The following SPECC1 variants were observed in gnomAD, a reference collection of about 807,000 sequenced individuals.
The protein encoded by SPECC1 is cytospin-B.
SPECC1 carries 62 observed loss-of-function variants against 104.1 expected under a neutral mutation model. The ratio of observed to expected loss-of-function variants is 0.60; its 90% CI spans 0.49 to 0.74. The LOEUF (loss-of-function observed/expected upper bound fraction) is 0.74, where lower values mean the gene tolerates loss of function less well. SPECC1 is among the 30% of genes least tolerant of loss of function. The pLI, the probability that SPECC1 is intolerant of heterozygous loss-of-function variation, is 0.00. For missense variants in SPECC1, 1,306 were observed against 1,310.5 expected (o/e 1.00, Z 0.05); for synonymous variants, 513 against 501.6 (o/e 1.02, Z -0.30).
Position 20,314,004 on chromosome 17 carries a change from G to A in SPECC1, c.3146G>A (p.Arg1049Gln), listed in dbSNP as rs778154096. ...LELSEMLYTD[R>Q]PDWQSVMQYV... ...CTCAGCGAGATGCTGTACACAGACC[G>A]GCCCGACTGGCAGAGTGTGATGCAG... The change falls in exon 15 of 15, where the codon CGG becomes CAG. Residue 1049 changes from arginine (R) to glutamine (Q), a missense_variant. Coordinates refer to ENST00000395527, the MANE Select transcript of SPECC1 (RefSeq NM_001243439.2). The A allele has an allele frequency of 9.3e-6, 15 of 1,614,046 alleles. No individual in the cohort carries two copies. The highest frequency in any genetic ancestry group is 1.3e-5 in the Non-Finnish European group (15 of 1,180,030).
intron 3 of SPECC1, among the ~76,000 whole-genome samples, chr17:20,184,652 A>G (rs938861157): frequency 2.6e-5 from 4 of 152,210 alleles, no homozygotes. Flanking sequence ...AACAGGACCT[A>G]CTGTATATAG....
intron 1 of SPECC1, among the ~76,000 whole-genome samples, chr17:20,062,921 C>T (rs2046239580): frequency 6.6e-6 from 1 of 152,070 alleles, no homozygotes; most frequent in African/African-American, 2.4e-5. Context: ...CTCCTGACCT[C>T]AAGTGATCTG....
At position 20,317,717 on chromosome 17, in the gene SPECC1, C is replaced by T. The variant is rs2042057597; in HGVS notation, c.*3652C>T. The T allele has an allele frequency of 4.7e-6, 1 of 214,428 alleles. No individual in the cohort carries two copies. The highest frequency in any genetic ancestry group is 9.4e-6 in the Non-Finnish European group (1 of 106,292). The allele number at this position is 214,428 out of a possible 1,614,324, so 13.3% of individuals were successfully genotyped here. A position where few individuals can be genotyped will look rare whatever the true frequency, so the allele number is the denominator to read the frequency against. The stretch of plus-strand genomic sequence containing the variant: ...CTCTGGCCTGGGCCAAAGAGCAAGA[C>T]CCTGTCACACACACACACAAAAAAA... On this transcript the variant is annotated 3_prime_UTR_variant, in exon 15 of 15. Transcript: ENST00000395527.
At chr17:20,285,419 T>G (rs2040910506) in intron 12 of SPECC1, among the ~76,000 whole-genome samples, 1 of 152,184 alleles carries the variant, frequency 6.6e-6, no homozygotes, top group Admixed American at 6.5e-5. Context: ...TCTTACTTTT[T>G]TTTTTTCCTA....
chr17:20,134,117 T>C (rs2049801778), intron 3 of SPECC1, among the ~76,000 whole-genome samples: 1 of 149,958 alleles, frequency 6.7e-6, no homozygotes, highest in African/African-American at 2.4e-5. Context: ...GTAATATAAA[T>C]ATAACAAAAT....
At chr17:20,112,416 C>T in intron 3 of SPECC1, 1 of 763,528 alleles carries the variant, frequency 1.3e-6, no homozygotes, top group Non-Finnish European at 2.4e-6. Flanking sequence ...GATCATTCAC[C>T]AATATCCTGA....
chr17:20,037,766 C>T (rs6587208), intron 1 of SPECC1, among the ~76,000 whole-genome samples: 10,531 of 152,156 alleles, frequency 0.069, 992 homozygotes, highest in African/African-American at 0.21. Flanking sequence ...ATTCTTCAAA[C>T]AAAGTTCTAT....
intron 12 of SPECC1, among the ~76,000 whole-genome samples, chr17:20,287,969 C>T (rs1850496235): frequency 6.7e-6 from 1 of 148,242 alleles, no homozygotes; most frequent in Admixed American, 6.9e-5. Flanking sequence ...CCCCAATAGG[C>T]CTTAGTGTAT....
chr17:20,103,177 C>T (rs931354149), intron 2 of SPECC1, among the ~76,000 whole-genome samples: 9 of 152,178 alleles, frequency 5.9e-5, no homozygotes, highest in African/African-American at 2.4e-5. Flanking sequence ...CTCCTGGCTC[C>T]TGTTGGTCTT....
At chr17:20,263,122 G>A (rs1193220199) in intron 12 of SPECC1, among the ~76,000 whole-genome samples, 1 of 151,624 alleles carries the variant, frequency 6.6e-6, no homozygotes, top group African/African-American at 2.4e-5. Context: ...TTCAAGGATG[G>A]ACCATGCCAT....
rs1598048929 is a variant in SPECC1 at position 20,233,585 on chromosome 17, G to T, written c.2351+1180G>T. On this transcript the variant is annotated intron_variant, in intron 7 of 14. Coordinates refer to ENST00000395527, the MANE Select transcript of SPECC1 (RefSeq NM_001243439.2). ...ATGGGGGTCTCACTATGTTGCCCAG[G>T]CTGGACTCGAACTACTGAGCCCAGG... Among the ~76,000 whole-genome samples, 3 of 152,246 alleles carry T rather than the reference G, an allele frequency of 2.0e-5. No individual in the cohort carries two copies. In the South Asian group the frequency reaches 6.2e-4, roughly 32 times the overall value.
intron 3 of SPECC1, among the ~76,000 whole-genome samples, chr17:20,131,865 G>C (rs2049658701): frequency 6.6e-6 from 1 of 151,980 alleles, no homozygotes; most frequent in Non-Finnish European, 1.5e-5. Context: ...GCCCAGGCTG[G>C]TCTTGAACTC....
chr17:20,245,140 C>T (rs959909109), intron 7 of SPECC1, among the ~76,000 whole-genome samples: 5 of 152,188 alleles, frequency 3.3e-5, no homozygotes, highest in Non-Finnish European at 7.3e-5. Context: ...TAATGGATTG[C>T]ACTCTCGTTG....
chr17:20,259,160 T>TGTA (rs892788759), intron 11 of SPECC1, among the ~76,000 whole-genome samples: 15 of 152,232 alleles, frequency 9.9e-5, no homozygotes, highest in African/African-American at 3.6e-4. Flanking sequence ...CACCTTTGGG[T>TGTA]ACAGCATATA....
chr17:20,062,199 G>A (rs2046209849), intron 1 of SPECC1, among the ~76,000 whole-genome samples: 1 of 149,932 alleles, frequency 6.7e-6, no homozygotes, highest in South Asian at 2.1e-4. Flanking sequence ...CTTGAGGTAA[G>A]CCGAGATCAC....
intron 7 of SPECC1, among the ~76,000 whole-genome samples, chr17:20,235,988 C>T (rs1361512955): frequency 6.6e-6 from 1 of 152,148 alleles, no homozygotes; most frequent in African/African-American, 2.4e-5. Context: ...CCTGTGCTGC[C>T]CTCTGTGTTG....
intron 4 of SPECC1, among the ~76,000 whole-genome samples, chr17:20,221,282 T>C (rs912788312): frequency 1.3e-5 from 2 of 152,240 alleles, no homozygotes; most frequent in Admixed American, 6.5e-5. Flanking sequence ...AGTGAAACCA[T>C]TGGGTCCTGG....
intron 3 of SPECC1, among the ~76,000 whole-genome samples, chr17:20,157,642 G>T (rs2032722378): frequency 6.6e-6 from 1 of 152,218 alleles, no homozygotes; most frequent in Non-Finnish European, 1.5e-5. Flanking sequence ...AGTTACTCTT[G>T]TTACAGCTTT....
intron 3 of SPECC1, among the ~76,000 whole-genome samples, chr17:20,129,727 TG>T (rs1555611894): frequency 2.3e-4 from 7 of 30,768 alleles, no homozygotes; most frequent in Non-Finnish European, 4.5e-4. Flanking sequence ...GAGCCAGTTT[TG>T]TTGTTGTTGT....
Sources: allele counts gnomAD v4.1 joint callset (sites outside exome capture counted in the v4.1 genomes callset), GRCh38; gene constraint gnomAD v4.1.1; transcripts MANE v1.5; gene names NCBI Gene and HGNC (gene_info 2026-07-23, HGNC 2026-07-21).